Variants in GLI2 observed in about 807,000 individuals in gnomAD.
GLI2 encodes transcription activator GLI2.
A neutral mutation model predicts 78.9 loss-of-function variants in GLI2; 22 were observed. That is an observed-to-expected ratio of 0.28 (90% CI 0.20 to 0.40). The LOEUF is 0.40. Among genes scored for constraint, GLI2 ranks in the 10% least tolerant of loss-of-function variants. The pLI is 1.00. For missense variants in GLI2, 2,097 were observed against 2,213.2 expected, an observed-to-expected ratio of 0.95 and a Z score of 1.05; for synonymous variants, 974 against 963.7, an observed-to-expected ratio of 1.01 and a Z score of -0.20.
chr2:120,978,494 T>C lies in GLI2; in HGVS notation c.1378T>C (p.Cys460Arg). Residue 460 changes from cysteine (C) to arginine (R), a missense_variant, in exon 10 of 14, where the codon TGC (cysteine) becomes CGC (arginine). Coordinates refer to ENST00000361492, the MANE Select transcript of GLI2 (RefSeq NM_001374353.1). ...KKEFVCRWQA[C>R]TREQKPFKAQ... is the part of the protein sequence containing the mutation. ...GGAGTTTGTGTGCCGCTGGCAGGCC[T>C]GCACGCGGGAGCAGAAGCCCTTCAA... is the stretch of plus-strand genomic sequence containing the variant. 6.2e-7 allele frequency: 1 copy of C among 1,614,162 alleles called. No individual in the cohort carries two copies. The highest frequency in any genetic ancestry group is 8.5e-7 in the Non-Finnish European group (1 of 1,180,012).
At chr2:120,853,215 AG>A (rs1380046034) in intron 2 of GLI2, among the ~76,000 whole-genome samples, 2 of 152,286 alleles carry the variant, frequency 1.3e-5, no homozygotes, top group Non-Finnish European at 2.9e-5. Context: ...AGACCTTCAA[AG>A]GGACAGAGAA....
chr2:120,750,894 T>C (rs546793573), intron 1 of GLI2, among the ~76,000 whole-genome samples: 31 of 152,376 alleles, frequency 2.0e-4, no homozygotes, highest in African/African-American at 7.2e-4. Flanking sequence ...TTCATGCTGC[T>C]GGAGGCTGCA....
At chr2:120,764,652 A>G (rs1170230933) in intron 1 of GLI2, among the ~76,000 whole-genome samples, 1 of 152,226 alleles carries the variant, frequency 6.6e-6, no homozygotes, top group Admixed American at 6.5e-5. Context: ...AGGCTGCTGC[A>G]GGTAGAAAGG....
chr2:120,982,065 GGAGAT>G (rs1441036826), intron 10 of GLI2, among the ~76,000 whole-genome samples: 1 of 152,192 alleles, frequency 6.6e-6, no homozygotes, highest in Non-Finnish European at 1.5e-5. Flanking sequence ...TGCTCTCAGA[GGAGAT>G]GACCTAAAAG....
At chr2:120,872,825 G>T (rs143345777) in intron 2 of GLI2, among the ~76,000 whole-genome samples, 1 of 152,332 alleles carries the variant, frequency 6.6e-6, no homozygotes, top group Non-Finnish European at 1.5e-5. Context: ...CCATGGTAAG[G>T]GCTCAGATAT....
intron 2 of GLI2, among the ~76,000 whole-genome samples, chr2:120,926,898 G>T (rs923017900): frequency 6.6e-6 from 1 of 152,234 alleles, no homozygotes; most frequent in Non-Finnish European, 1.5e-5. Flanking sequence ...CACCGTCTGT[G>T]GGCCGTGCCA....
At chr2:120,852,598 A>G (rs868126883) in intron 2 of GLI2, among the ~76,000 whole-genome samples, 1 of 152,166 alleles carries the variant, frequency 6.6e-6, no homozygotes, top group Non-Finnish European at 1.5e-5. Flanking sequence ...CAGGGGAGGT[A>G]GCTGTTTATG....
intron 5 of GLI2, among the ~76,000 whole-genome samples, chr2:120,962,746 A>G (rs1299395169): frequency 6.6e-6 from 1 of 152,214 alleles, no homozygotes; most frequent in South Asian, 2.1e-4. Flanking sequence ...CATATTTCCC[A>G]TGAGAGGCGG....
intron 2 of GLI2, among the ~76,000 whole-genome samples, chr2:120,913,447 C>T (rs1198648701): frequency 6.6e-6 from 1 of 151,978 alleles, no homozygotes; most frequent in East Asian, 1.9e-4. Context: ...AAAATAATCA[C>T]CTGTTTCTTT....
At chr2:120,943,698 C>G (rs11122833) in intron 3 of GLI2, among the ~76,000 whole-genome samples, 131,172 of 152,222 alleles carry the variant, frequency 0.86, 59,422 homozygotes, top group East Asian at 1. Flanking sequence ...TGGCCCCAGC[C>G]ACCAGCACAG....
chr2:120,779,567 G>A (rs1683778457), intron 1 of GLI2, among the ~76,000 whole-genome samples: 1 of 152,240 alleles, frequency 6.6e-6, no homozygotes, highest in South Asian at 2.1e-4. Context: ...AGAGGGTTTG[G>A]TCCTAATCCC....
At chr2:120,871,291 C>T (rs1238614370) in intron 2 of GLI2, among the ~76,000 whole-genome samples, 1 of 131,732 alleles carries the variant, frequency 7.6e-6, no homozygotes, top group Non-Finnish European at 1.6e-5. Context: ...GGCTGTACTT[C>T]CCTGCTTTCC....
chr2:120,855,282 C>CAGCT (rs1249761520), intron 2 of GLI2, among the ~76,000 whole-genome samples: 2 of 152,196 alleles, frequency 1.3e-5, no homozygotes, highest in African/African-American at 4.8e-5. Context: ...AGGCAGCTGT[C>CAGCT]AGCTGTGGCA....
chr2:120,971,181 C>T (rs1271314730), intron 7 of GLI2, among the ~76,000 whole-genome samples: 1 of 152,228 alleles, frequency 6.6e-6, no homozygotes, highest in Admixed American at 6.5e-5. Context: ...CTTTCCCTCT[C>T]GCAGCCTGAG....
intron 2 of GLI2, among the ~76,000 whole-genome samples, chr2:120,885,811 C>A (rs551043098): frequency 4.6e-5 from 7 of 152,196 alleles, no homozygotes; most frequent in Non-Finnish European, 7.3e-5. Flanking sequence ...GCACCAAACT[C>A]CCCTCTACCT....
At chr2:120,843,693 G>A (rs1282482913) in intron 2 of GLI2, among the ~76,000 whole-genome samples, 1 of 152,102 alleles carries the variant, frequency 6.6e-6, no homozygotes, top group Non-Finnish European at 1.5e-5. Flanking sequence ...TTGAGACAGA[G>A]TCTCCCTCTG....
intron 5 of GLI2, 61 bp from the exon 6 acceptor site, chr2:120,968,653 C>A: frequency 8.3e-7 from 1 of 1,204,026 alleles, no homozygotes; most frequent in Non-Finnish European, 1.2e-6. Flanking sequence ...CCCCCACCCA[C>A]ATGTCACCCC....
chr2:120,744,608 C>T (rs569683646), intron 1 of GLI2, among the ~76,000 whole-genome samples: 3 of 152,246 alleles, frequency 2.0e-5, no homozygotes, highest in East Asian at 3.9e-4. Flanking sequence ...GAGGGATGTG[C>T]GACATGTATA....
At chr2:120,779,191 C>T (rs1683767188) in intron 1 of GLI2, among the ~76,000 whole-genome samples, 1 of 152,230 alleles carries the variant, frequency 6.6e-6, no homozygotes, top group Admixed American at 6.5e-5. Context: ...AGACTATCAT[C>T]CTTCCATTTT....
Sources: gnomAD v4.1 joint callset for allele counts (sites outside exome capture counted in the v4.1 genomes callset) on GRCh38, gnomAD v4.1.1 for gene constraint, MANE v1.5 for transcripts, NCBI Gene and HGNC (gene_info 2026-07-23, HGNC 2026-07-21) for gene names.